Variants in IL7 observed in about 807,000 individuals in gnomAD.
IL7 encodes interleukin 7.
A neutral mutation model predicts 21.6 loss-of-function variants in IL7; 3 were observed. The observed-to-expected ratio is 0.14, with a 90% CI of 0.06 to 0.36. The LOEUF (loss-of-function observed/expected upper bound fraction) is 0.36. Among genes scored for constraint, IL7 ranks in the 10% least tolerant of loss-of-function variants. IL7 has a pLI of 1.00. For missense variants in IL7, 175 were observed against 200.2 expected (o/e 0.87, Z 0.76); for synonymous variants, 62 against 68.1 (o/e 0.91, Z 0.44).
intron 2 of IL7, among the ~76,000 whole-genome samples, chr8:78,755,292 A>G (rs979231784): frequency 6.6e-6 from 1 of 151,978 alleles, no homozygotes. Flanking sequence ...TTTGAGCAGT[A>G]TTGCTTTTGC....
At chr8:78,718,579 A>G (rs1811175359) in intron 6 of IL7, 1 of 151,822 alleles carries the variant, frequency 6.6e-6, no homozygotes, top group Non-Finnish European at 1.5e-5. Flanking sequence ...TTTCATCTTT[A>G]GCATTTAATG....
At chr8:78,713,343 C>T (rs960931915), downstream of IL7, among the ~76,000 whole-genome samples, 3 of 151,782 alleles carry the variant, frequency 2.0e-5, no homozygotes, top group Non-Finnish European at 4.4e-5. Flanking sequence ...CTTATATTTT[C>T]CTCTAAATAT....
intron 2 of IL7, chr8:78,762,371 A>C: frequency 8.1e-6 from 13 of 1,612,566 alleles, no homozygotes; most frequent in Non-Finnish European, 1.1e-5. Flanking sequence ...GAAGAAGGCC[A>C]AGTCAAGTCG....
intron 2 of IL7, among the ~76,000 whole-genome samples, chr8:78,750,337 G>A (rs539990731): frequency 7.9e-5 from 12 of 151,904 alleles, no homozygotes; most frequent in South Asian, 4.2e-4. Context: ...TTTCCACACC[G>A]TATTGTGACA....
chr8:78,796,665 G>T lies in IL7; in HGVS notation c.147+1407C>A, dbSNP rs565683924. Among the ~76,000 whole-genome samples, 89 of 152,068 alleles carry T rather than the reference G, an allele frequency of 5.9e-4. No individual in the cohort carries two copies. In the South Asian group the frequency reaches 0.011, roughly 18 times the overall value. On this transcript the variant is annotated intron_variant, in intron 2 of 5. Transcript: ENST00000263851. The stretch of plus-strand genomic sequence containing the variant: ...AGTATCTGAAAAGATGGTCAACATT[G>T]TATGTCATTATGGAATGGAAAATTG...
At chr8:78,778,676 A>G (rs577305665) in intron 2 of IL7, among the ~76,000 whole-genome samples, 8 of 152,090 alleles carry the variant, frequency 5.3e-5, no homozygotes, top group Admixed American at 5.2e-4. Flanking sequence ...GTTGGGTAGC[A>G]TGGTGCCTCC....
chr8:78,717,339 A>G, downstream of IL7: 1 of 1,608,148 alleles, frequency 6.2e-7, no homozygotes, highest in Non-Finnish European at 8.5e-7. Context: ...CCAGATGGGG[A>G]CTGTGCATCT....
chr8:78,682,692 C>T (rs1235157311), intron 4 of IL7, among the ~76,000 whole-genome samples: 1 of 152,180 alleles, frequency 6.6e-6, no homozygotes, highest in Non-Finnish European at 1.5e-5. Context: ...TTCATGCCCT[C>T]ACATTTCAAA....
chr8:78,763,329 A>G (rs771905987), intron 2 of IL7, among the ~76,000 whole-genome samples: 1 of 152,244 alleles, frequency 6.6e-6, no homozygotes, highest in Non-Finnish European at 1.5e-5. Context: ...GTTTATTTAT[A>G]AGTGAAATGA....
chr8:78,709,199 A>G (rs1044650629), intron 3 of IL7, among the ~76,000 whole-genome samples: 1 of 152,184 alleles, frequency 6.6e-6, no homozygotes, highest in Non-Finnish European at 1.5e-5. Flanking sequence ...AGCAACTGTA[A>G]TACACCTAAA....
intron 2 of IL7, among the ~76,000 whole-genome samples, chr8:78,754,887 C>G (rs1001175136): frequency 6.6e-6 from 1 of 152,074 alleles, no homozygotes; most frequent in African/African-American, 2.4e-5. Context: ...CTTTTGAAAT[C>G]TCAGCCACAA....
chr8:78,777,640 A>C (rs1813176257), intron 2 of IL7, among the ~76,000 whole-genome samples: 1 of 152,080 alleles, frequency 6.6e-6, no homozygotes, highest in Admixed American at 6.6e-5. Context: ...TTACTGATTG[A>C]ATGACAATAT....
intron 2 of IL7, among the ~76,000 whole-genome samples, chr8:78,765,467 A>AC (rs1372565784): frequency 6.6e-6 from 1 of 152,104 alleles, no homozygotes; most frequent in Non-Finnish European, 1.5e-5. Context: ...ATTATACAGA[A>AC]CTCTTAAAAA....
intron 1 of IL7, among the ~76,000 whole-genome samples, chr8:78,803,523 T>G (rs898884884): frequency 6.6e-6 from 1 of 152,234 alleles, no homozygotes; most frequent in Non-Finnish European, 1.5e-5. Context: ...TAATCATTAT[T>G]ATTAGAATTT....
intron 3 of IL7, among the ~76,000 whole-genome samples, chr8:78,709,737 T>A (rs1033246366): frequency 8.6e-5 from 13 of 150,998 alleles, no homozygotes; most frequent in South Asian, 6.3e-4. Context: ...AAAAAAAAAA[T>A]TTCATAATGT....
chr8:78,745,792 A>G (rs966389134), intron 2 of IL7, among the ~76,000 whole-genome samples: 7 of 152,228 alleles, frequency 4.6e-5, no homozygotes, highest in Non-Finnish European at 8.8e-5. Flanking sequence ...GCTCAAAACA[A>G]TAAAAACTTA....
chr8:78,765,895 C>T (rs1430638453), intron 2 of IL7, among the ~76,000 whole-genome samples: 4 of 152,122 alleles, frequency 2.6e-5, no homozygotes, highest in Non-Finnish European at 5.9e-5. Context: ...CAGCTTTATT[C>T]ATAATGACCA....
At chr8:78,722,492 C>T (rs1204155060) in intron 3 of IL7, among the ~76,000 whole-genome samples, 5 of 151,806 alleles carry the variant, frequency 3.3e-5, no homozygotes, top group African/African-American at 1.2e-4. Flanking sequence ...TTTTCTTATA[C>T]TGAAATAAGC....
At chr8:78,708,261 T>C (rs1810840565) in intron 3 of IL7, among the ~76,000 whole-genome samples, 1 of 152,238 alleles carries the variant, frequency 6.6e-6, no homozygotes, top group South Asian at 2.1e-4. Context: ...CTGGTGTATG[T>C]AATCTTTATT....
Sources: gnomAD v4.1 joint callset for allele counts (sites outside exome capture counted in the v4.1 genomes callset) on GRCh38, gnomAD v4.1.1 for gene constraint, MANE v1.5 for transcripts, NCBI Gene and HGNC (gene_info 2026-07-23, HGNC 2026-07-21) for gene names.